PACS2: variants seen among roughly 807,000 people sequenced by gnomAD.
PACS2 encodes the protein phosphofurin acidic cluster sorting protein 2, also known as PACS1-like protein.
PACS2 carries 36 observed loss-of-function variants against 113.0 expected under a neutral mutation model. The observed-to-expected ratio is 0.32, with a 90% CI of 0.24 to 0.42. The LOEUF (loss-of-function observed/expected upper bound fraction) is 0.42, where lower values mean the gene tolerates loss of function less well. PACS2 is among the 10% of genes least tolerant of loss of function. The pLI, the probability that PACS2 is intolerant of heterozygous loss-of-function variation, is 1.00. For synonymous variants in PACS2, 589 were observed against 536.1 expected, an observed-to-expected ratio of 1.10 and a Z score of -1.36; for missense variants, 1,015 against 1,239.5, an observed-to-expected ratio of 0.82 and a Z score of 2.72.
chr14:105,379,703 A>G (rs1555411402), intron 9 of PACS2, 36 bp from the exon 10 acceptor site: 18 of 1,558,872 alleles, frequency 1.2e-5, no homozygotes, highest in Non-Finnish European at 1.4e-5. Context: ...GGGTCCTGGA[A>G]ATTAACGTGT....
At chr14:105,353,578 TTTTC>T (rs2060318816) in intron 3 of PACS2, among the ~76,000 whole-genome samples, 1 of 151,388 alleles carries the variant, frequency 6.6e-6, no homozygotes, top group African/African-American at 2.5e-5. Flanking sequence ...TAGGTTGAGT[TTTTC>T]TTTGTTTTTT....
At chr14:105,327,907 C>T (rs1312220608) in intron 1 of PACS2, among the ~76,000 whole-genome samples, 1 of 151,858 alleles carries the variant, frequency 6.6e-6, no homozygotes, top group Non-Finnish European at 1.5e-5. Flanking sequence ...GCCCAGGCCA[C>T]CCGAGGGGCC....
At chr14:105,374,407 A>G (rs945692179) in intron 8 of PACS2, among the ~76,000 whole-genome samples, 23 of 152,214 alleles carry the variant, frequency 1.5e-4, no homozygotes, top group African/African-American at 5.5e-4. Flanking sequence ...TGCAAATCAT[A>G]TATGTGATAA....
Position 105,354,946 on chromosome 14 carries a change from C to A in PACS2, c.298-106C>A. 8.9e-7 allele frequency: 1 copy of A among 1,123,554 alleles called. No homozygotes were observed. Among genetic ancestry groups the A allele is most frequent in the Non-Finnish European group, 1.3e-6 (1 of 782,512 alleles). 69.6% of individuals were successfully genotyped at this position (1,123,554 alleles called of 1,614,324 possible). ...GGTGCCCTTCCGATCTCATGGGCAGCAGGTTGGCCTGGTCGCAGGCTGCAG... is the reference window on the plus strand; with the variant it reads ...GGTGCCCTTCCGATCTCATGGGCAGAAGGTTGGCCTGGTCGCAGGCTGCAG... On this transcript the variant is annotated intron_variant, in intron 3 of 24. Coordinates refer to ENST00000447393, the MANE Select transcript of PACS2 (RefSeq NM_001100913.3). This position sits in a 1 kb window ranked among gnomAD's most constrained non-coding sequence, Gnocchi z 4.2.
chr14:105,341,364 T>C (rs587613712), intron 1 of PACS2, among the ~76,000 whole-genome samples: 99 of 152,352 alleles, frequency 6.5e-4, no homozygotes, highest in African/African-American at 2.4e-3. Flanking sequence ...ACTGTGGGTA[T>C]TCAGCAAGTT....
chr14:105,307,478 G>T (rs2058223748), intron 1 of PACS2, among the ~76,000 whole-genome samples: 1 of 152,076 alleles, frequency 6.6e-6, no homozygotes, highest in African/African-American at 2.4e-5. Flanking sequence ...ACTGGCCCTG[G>T]GTGCTTCCCC....
In PACS2 at chr14:105,382,033, G is replaced by A. The variant is rs1418013429; in HGVS notation, c.1388G>A (p.Arg463Gln). The change falls in exon 13 of 25, where the codon CGG becomes CAG. Residue 463 changes from arginine to glutamine, a missense_variant. Physicochemically the swap from Arg to Gln is conservative, Grantham distance 43. Around this residue, in one of 3 missense-constraint regions of PACS2, gnomAD observed 859 missense variants for 1,056.8 expected, o/e 0.81. Coordinates refer to ENST00000447393, the MANE Select transcript of PACS2 (RefSeq NM_001100913.3). ...SLDNERCPDA[R>Q]SQLQVQLQIP... ...GACAACGAGCGCTGCCCGGACGCCC[G>A]GAGCCAGCTACAGGTGCAGCTGCAG... The A allele has an allele frequency of 5.8e-6, 9 of 1,549,084 alleles. No individual in the cohort carries two copies. Among genetic ancestry groups the A allele is most frequent in the East Asian group, 2.4e-5 (1 of 41,028 alleles).
chr14:105,342,036 T>G (rs2059745950), intron 1 of PACS2, among the ~76,000 whole-genome samples: 1 of 152,174 alleles, frequency 6.6e-6, no homozygotes, highest in Non-Finnish European at 1.5e-5. Context: ...GTCAAACGAA[T>G]GTAAGGAACG....
At chr14:105,391,902 C>T (rs587742061) in intron 22 of PACS2, 136 bp downstream of exon 22, 39 of 912,574 alleles carry the variant, frequency 4.3e-5, no homozygotes, top group Non-Finnish European at 5.3e-5. Flanking sequence ...AGGGGCTCTG[C>T]AGGACGGCTG....
At chr14:105,336,934 T>A (rs1471758099) in intron 1 of PACS2, among the ~76,000 whole-genome samples, 1 of 152,098 alleles carries the variant, frequency 6.6e-6, no homozygotes, top group Non-Finnish European at 1.5e-5. Context: ...ATCTCCACCC[T>A]GTGTTCACAG....
chr14:105,368,081 C>T lies in PACS2; in HGVS notation c.594C>T (p.Tyr198=), dbSNP rs782317213. Residue 198 remains tyrosine (Y), a synonymous_variant, in exon 6 of 25, where the codon TAC becomes TAT. Coordinates refer to ENST00000447393, the MANE Select transcript of PACS2 (RefSeq NM_001100913.3). Reference sequence around the variant, plus strand: ...TGTCTGTTCATTCCGCAGATAACTACTCCGAGGAGGAGTATGAGAGCTTCT... The same window carrying T: ...TGTCTGTTCATTCCGCAGATAACTATTCCGAGGAGGAGTATGAGAGCTTCT... ...AGPKAKSTDN[Y]SEEEYESFSS... 6.2e-7 allele frequency: 1 copy of T among 1,607,744 alleles called. No individual in the cohort carries two copies. Among genetic ancestry groups the T allele is most frequent in the South Asian group, 1.1e-5 (1 of 90,962 alleles).
chr14:105,376,706 C>G lies in PACS2; in HGVS notation c.802-62C>G, dbSNP rs1460732453. Reference sequence around the variant, plus strand: ...CTCCTGCAGACTCTGGGGTCTCGGGCGCCCCCAGTGGGGCAATGTGGGCTG... The same window carrying G: ...CTCCTGCAGACTCTGGGGTCTCGGGGGCCCCCAGTGGGGCAATGTGGGCTG... On this transcript the variant is annotated intron_variant, in intron 8 of 24. Coordinates refer to ENST00000447393, the MANE Select transcript of PACS2 (RefSeq NM_001100913.3). The surrounding 1 kb of genome is among the most constrained non-coding windows in gnomAD (Gnocchi z 4.7). 1 of 1,524,368 alleles carries G rather than the reference C, an allele frequency of 6.6e-7. No individual in the cohort carries two copies. The highest frequency in any genetic ancestry group is 1.8e-5 in the Admixed American group (1 of 55,506). 94.4% of individuals were successfully genotyped at this position (1,524,368 alleles called of 1,614,324 possible). A position where few individuals can be genotyped will look rare whatever the true frequency, so the allele number is the denominator to read the frequency against.
Position 105,348,145 on chromosome 14 carries a change from G to A in PACS2, c.120-348G>A, listed in dbSNP as rs890726127. Reference sequence around the variant, plus strand: ...CCTGTGCTCTCACAGCTGGGAGCTGGCTCAGGACTCTCAGATCTTCTCTTT... The same window carrying A: ...CCTGTGCTCTCACAGCTGGGAGCTGACTCAGGACTCTCAGATCTTCTCTTT... On this transcript the variant is annotated intron_variant, in intron 1 of 24. Coordinates refer to ENST00000447393, the MANE Select transcript of PACS2 (RefSeq NM_001100913.3). This position sits in a 1 kb window ranked among gnomAD's most constrained non-coding sequence, Gnocchi z 6.4. Among the ~76,000 whole-genome samples the A allele has an allele frequency of 9.9e-5, 15 of 152,104 alleles. No homozygotes were observed. Among genetic ancestry groups the A allele is most frequent in the Non-Finnish European group, 4.4e-5 (3 of 67,996 alleles).
At chr14:105,335,837 G>A (rs2059496113) in intron 1 of PACS2, among the ~76,000 whole-genome samples, 1 of 152,222 alleles carries the variant, frequency 6.6e-6, no homozygotes, top group African/African-American at 2.4e-5. Flanking sequence ...TCGGCCGCCC[G>A]GGCGAGCCTT....
intron 22 of PACS2, chr14:105,392,379 C>T (rs1555415162): frequency 1.8e-6 from 1 of 555,026 alleles, no homozygotes. Context: ...AGCAGGTGGA[C>T]AGGCCTCCCA....
At chr14:105,384,535 C>A in intron 17 of PACS2, 72 bp downstream of exon 17, 2 of 906,480 alleles carry the variant, frequency 2.2e-6, no homozygotes, top group South Asian at 1.4e-5. Context: ...AGATGCTGTG[C>A]CCAGGAGGCC....
At position 105,368,077 on chromosome 14, in the gene PACS2, A is replaced by ACTACT; in HGVS notation, c.592_596dup (p.Glu200ThrfsTer43). The ACTACT allele has an allele frequency of 6.2e-7, 1 of 1,603,532 alleles. No individual in the cohort carries two copies. The highest frequency in any genetic ancestry group is 8.5e-7 in the Non-Finnish European group (1 of 1,170,870). On this transcript the variant is annotated frameshift_variant, in exon 6 of 25. Coordinates refer to ENST00000447393, the MANE Select transcript of PACS2 (RefSeq NM_001100913.3). LOFTEE classifies it high-confidence loss of function. ...CTTCTGTCTGTTCATTCCGCAGATAACTACTCCGAGGAGGAGTATGAGAGC... is the reference window on the plus strand; with the variant it reads ...CTTCTGTCTGTTCATTCCGCAGATAACTACTCTACTCCGAGGAGGAGTATGAGAGC...
upstream of PACS2, chr14:105,314,464 G>GGGGCGGGGCGCCCC (rs1199103599): frequency 4.8e-5 from 7 of 145,290 alleles, no homozygotes; most frequent in East Asian, 1.0e-3. Flanking sequence ...CCCGGGGGGC[G>GGGGCGGGGCGCCCC]GGGCGGGGCG....
chr14:105,316,877 C>T (rs927292175), intron 1 of PACS2, among the ~76,000 whole-genome samples: 3 of 124,444 alleles, frequency 2.4e-5, no homozygotes, highest in East Asian at 2.0e-4. Context: ...AGTTAATGGG[C>T]GGAGGAGTTA....
Sources: allele counts gnomAD v4.1 joint callset (sites outside exome capture counted in the v4.1 genomes callset), GRCh38; gene constraint gnomAD v4.1.1; regional missense constraint gnomAD v4.1.1; non-coding constraint Gnocchi (gnomAD v3.1); transcripts MANE v1.5; gene names NCBI Gene and HGNC (gene_info 2026-07-23, HGNC 2026-07-21).